Variants in R3HCC1L observed in about 807,000 individuals in gnomAD.
The protein encoded by R3HCC1L is coiled-coil domain-containing protein R3HCC1L.
In R3HCC1L, 51 loss-of-function variants were observed where a neutral mutation model predicts 59.9. That is an observed-to-expected ratio of 0.85 (90% CI 0.68 to 1.07). The LOEUF is 1.07. Among genes scored for constraint, R3HCC1L ranks in the 50% least tolerant of loss-of-function variants. The probability of loss-of-function intolerance (pLI) is 0.00; values close to 1 mark genes in which losing one functional copy is unlikely to be tolerated. For synonymous variants in R3HCC1L, 322 were observed against 315.2 expected, an observed-to-expected ratio of 1.02 and a Z score of -0.23; for missense variants, 965 against 933.0, an observed-to-expected ratio of 1.03 and a Z score of -0.45.
At chr10:98,168,467 G>T (rs933540186) in intron 4 of R3HCC1L, among the ~76,000 whole-genome samples, 3 of 152,094 alleles carry the variant, frequency 2.0e-5, no homozygotes, top group African/African-American at 2.4e-5. Flanking sequence ...GTGTTATGTC[G>T]TGAGAAAGAC....
rs1454801587 is a variant in R3HCC1L at position 98,236,065 on chromosome 10, G to A, written c.2170G>A (p.Ala724Thr). Residue 724 changes from alanine (A) to threonine (T), a missense_variant, in exon 9 of 10, where the codon GCC becomes ACC. Ala to Thr is a moderately conservative substitution (Grantham distance 58). Transcript: ENST00000298999. ...PAKERPETSA[A>T]LARRLVISAL... is the part of the protein sequence containing the mutation. Reference sequence around the variant, plus strand: ...AAAGGAGCGTCCTGAGACTTCAGCAGCCCTAGCCAGAAGGTTAGTCATCAG... The same window carrying A: ...AAAGGAGCGTCCTGAGACTTCAGCAACCCTAGCCAGAAGGTTAGTCATCAG... 1 of 1,613,852 alleles carries A rather than the reference G, an allele frequency of 6.2e-7. No individual in the cohort carries two copies. The highest frequency in any genetic ancestry group is 1.3e-5 in the African/African-American group (1 of 74,900).
chr10:98,216,763 A>G (rs1173136714), intron 5 of R3HCC1L, among the ~76,000 whole-genome samples: 1 of 152,050 alleles, frequency 6.6e-6, no homozygotes, highest in Non-Finnish European at 1.5e-5. Flanking sequence ...TATTTTTTGT[A>G]GAGGAGGACT....
chr10:98,207,196 A>C (rs1852787118), intron 4 of R3HCC1L, among the ~76,000 whole-genome samples: 1 of 151,992 alleles, frequency 6.6e-6, no homozygotes, highest in African/African-American at 2.4e-5. Context: ...TGTGTATAGC[A>C]CCTCCTTATT....
At chr10:98,213,839 G>A (rs1359510) in intron 5 of R3HCC1L, among the ~76,000 whole-genome samples, 145,653 of 152,210 alleles carry the variant, frequency 0.96, 69,995 homozygotes, top group East Asian at 1. Flanking sequence ...ATTTTATAAA[G>A]ATGTCTGAAT....
intron 4 of R3HCC1L, among the ~76,000 whole-genome samples, chr10:98,181,941 T>C (rs554573436): frequency 1.3e-5 from 2 of 152,166 alleles, no homozygotes; most frequent in Non-Finnish European, 2.9e-5. Flanking sequence ...TTAGCTTCCT[T>C]GTGATGGGTT....
rs771284727 is a variant in R3HCC1L at position 98,209,656 on chromosome 10, T to C, written c.1542T>C (p.Asp514=). ...AVGIDLGSTG[D]TTEALHELRT... ...GCATTGACCTGGGTAGTACTGGTGA[T>C]ACAACAGAAGCATTGCACGAACTAA... is the stretch of plus-strand genomic sequence containing the variant. The change falls in exon 5 of 10, where the codon GAT becomes GAC. Residue 514 remains aspartate (D), a synonymous_variant. Coordinates refer to ENST00000298999, the MANE Select transcript of R3HCC1L (RefSeq NM_001351015.2). 6.2e-7 allele frequency: 1 copy of C among 1,613,904 alleles called. No individual in the cohort carries two copies. Among genetic ancestry groups the C allele is most frequent in the African/African-American group, 1.3e-5 (1 of 74,906 alleles).
chr10:98,231,966 TG>T (rs1856452346), intron 6 of R3HCC1L, among the ~76,000 whole-genome samples: 1 of 152,170 alleles, frequency 6.6e-6, no homozygotes, highest in Non-Finnish European at 1.5e-5. Flanking sequence ...TAATACATAT[TG>T]TAATTGTTGA....
intron 1 of R3HCC1L, among the ~76,000 whole-genome samples, chr10:98,140,917 C>G (rs1019633935): frequency 6.6e-6 from 1 of 151,826 alleles, no homozygotes; most frequent in African/African-American, 2.4e-5. Flanking sequence ...ATATAACTTA[C>G]TATAGAAAAC....
intron 1 of R3HCC1L, among the ~76,000 whole-genome samples, chr10:98,144,468 C>T (rs941566824): frequency 3.9e-5 from 6 of 152,160 alleles, no homozygotes; most frequent in South Asian, 2.1e-4. Flanking sequence ...CCCACCTCCG[C>T]CTCCCAAAGT....
chr10:98,170,620 C>G (rs2134340700), intron 4 of R3HCC1L, among the ~76,000 whole-genome samples: 1 of 152,302 alleles, frequency 6.6e-6, no homozygotes, highest in Middle Eastern at 3.4e-3. Context: ...GCCACTGTGC[C>G]TGGCTTCAGC....
intron 1 of R3HCC1L, among the ~76,000 whole-genome samples, chr10:98,135,253 G>A (rs572687019): frequency 7.2e-5 from 11 of 152,340 alleles, no homozygotes; most frequent in Admixed American, 5.2e-4. Context: ...AAGTTTGTGA[G>A]TGCAGCCCCC....
At chr10:98,204,478 CA>C (rs1192196964) in intron 4 of R3HCC1L, among the ~76,000 whole-genome samples, 2 of 152,034 alleles carry the variant, frequency 1.3e-5, no homozygotes, top group Non-Finnish European at 2.9e-5. Context: ...AAGTTTAATC[CA>C]AGGTACATTT....
intron 4 of R3HCC1L, among the ~76,000 whole-genome samples, chr10:98,175,385 A>G (rs546159375): frequency 1.3e-5 from 2 of 152,270 alleles, no homozygotes; most frequent in South Asian, 2.1e-4. Context: ...TTTGACAAAC[A>G]TGCAGTTGTG....
intron 1 of R3HCC1L, among the ~76,000 whole-genome samples, chr10:98,148,438 A>G (rs1244503218): frequency 1.3e-5 from 2 of 152,230 alleles, no homozygotes; most frequent in South Asian, 4.2e-4. Flanking sequence ...TAAAAGTGGT[A>G]AATGTGGGCA....
intron 4 of R3HCC1L, among the ~76,000 whole-genome samples, chr10:98,173,205 T>A (rs1378714362): frequency 6.6e-6 from 1 of 152,192 alleles, no homozygotes; most frequent in Non-Finnish European, 1.5e-5. Flanking sequence ...AATGGACAGT[T>A]AGGCTCTGAA....
intron 4 of R3HCC1L, among the ~76,000 whole-genome samples, chr10:98,178,088 C>A (rs1444798683): frequency 6.6e-6 from 1 of 151,570 alleles, no homozygotes; most frequent in Non-Finnish European, 1.5e-5. Flanking sequence ...TTTTGGCTTT[C>A]GTTTTTTATG....
chr10:98,155,362 A>AT (rs977887304), intron 1 of R3HCC1L, among the ~76,000 whole-genome samples: 115 of 152,036 alleles, frequency 7.6e-4, no homozygotes, highest in Admixed American at 2.8e-3. Context: ...ATTTGCTTAA[A>AT]TTTTTTTTAT....
intron 2 of R3HCC1L, among the ~76,000 whole-genome samples, chr10:98,159,820 C>G (rs913865427): frequency 4.6e-5 from 7 of 152,128 alleles, no homozygotes; most frequent in Admixed American, 6.5e-5. Flanking sequence ...TCTCAGAGCC[C>G]TGGTTCCTTT....
chr10:98,165,428 A>G (rs1847845312), intron 4 of R3HCC1L, among the ~76,000 whole-genome samples: 3 of 152,296 alleles, frequency 2.0e-5, no homozygotes, highest in Middle Eastern at 6.8e-3. Context: ...CTTTTCCAGG[A>G]ATTATTATAG....
Sources: gnomAD v4.1 joint callset for allele counts (sites outside exome capture counted in the v4.1 genomes callset) on GRCh38, gnomAD v4.1.1 for gene constraint, MANE v1.5 for transcripts, NCBI Gene and HGNC (gene_info 2026-07-23, HGNC 2026-07-21) for gene names.